Variants in SENP3 observed in about 807,000 individuals in gnomAD.
SENP3 encodes the protein SUMO specific peptidase 3.
In SENP3, 11 loss-of-function variants were observed where a neutral mutation model predicts 66.2. That is an observed-to-expected ratio of 0.17 (90% CI 0.10 to 0.28). SENP3 has a LOEUF of 0.28. Among genes scored for constraint, SENP3 ranks in the 10% least tolerant of loss-of-function variants. The probability of loss-of-function intolerance (pLI) is 1.00; values close to 1 mark genes in which losing one functional copy is unlikely to be tolerated. For missense variants in SENP3, 548 were observed against 743.7 expected (o/e 0.74, Z 3.06); for synonymous variants, 292 against 277.6 (o/e 1.05, Z -0.52).
At position 7,562,792 on chromosome 17, in the gene SENP3, T is replaced by C. The variant is rs1216419868; in HGVS notation, c.-11-274T>C. Reference sequence around the variant, plus strand: ...AAAGACGTAGAACCTGGCAGTGCTATTGGGTTTGGCCTGGTGATCTTAGAA... The same window carrying C: ...AAAGACGTAGAACCTGGCAGTGCTACTGGGTTTGGCCTGGTGATCTTAGAA... On this transcript the variant is annotated intron_variant, in intron 1 of 10. Transcript: ENST00000321337. The surrounding 1 kb of genome is among the most constrained non-coding windows in gnomAD (Gnocchi z 5.0). Among the ~76,000 whole-genome samples, 2 of 152,350 alleles carry C rather than the reference T, an allele frequency of 1.3e-5. No individual in the cohort carries two copies. The highest frequency in any genetic ancestry group is 1.9e-4 in the East Asian group (1 of 5,188).
chr17:7,566,793 G>T (rs533403167), intron 6 of SENP3, 134 bp from the exon 7 acceptor site: 1 of 686,098 alleles, frequency 1.5e-6, no homozygotes, highest in South Asian at 1.7e-5. Context: ...AACATAGTGA[G>T]ACCCTGTCTC....
rs764518172 is a variant in SENP3 at position 7,563,045 on chromosome 17, C to A, written c.-11-21C>A. On this transcript the variant is annotated intron_variant, in intron 1 of 10. Transcript: ENST00000321337. Reference sequence around the variant, plus strand: ...GTGGGGTGATGCTTAGATTTTGATACCCTGATCTTTTGTTTTTCAGGGTAC... The same window carrying A: ...GTGGGGTGATGCTTAGATTTTGATAACCTGATCTTTTGTTTTTCAGGGTAC... 37 of 1,446,112 alleles carry A rather than the reference C, an allele frequency of 2.6e-5. 1 individual carries two copies. The South Asian group carries it at 5.9e-4, about 23-fold the overall frequency. The allele number at this position is 1,446,112 out of a possible 1,614,324, so 89.6% of individuals were successfully genotyped here.
At position 7,563,788 on chromosome 17, in the gene SENP3, T is replaced by A; in HGVS notation, c.712T>A (p.Ser238Thr). 1.3e-6 allele frequency: 2 copies of A among 1,523,822 alleles called. No homozygotes were observed. The highest frequency in any genetic ancestry group is 1.8e-6 in the Non-Finnish European group (2 of 1,125,874). The allele number at this position is 1,523,822 out of a possible 1,614,324, so 94.4% of individuals were successfully genotyped here. A position where few individuals can be genotyped will look rare whatever the true frequency, so the allele number is the denominator to read the frequency against. Residue 238 changes from serine (S) to threonine (T), a missense_variant, in exon 2 of 11, where the codon TCG becomes ACG. Physicochemically the swap from Ser to Thr is moderately conservative, Grantham distance 58. Around this residue, in one of 6 missense-constraint regions of SENP3, gnomAD observed 215 missense variants for 230.7 expected, o/e 0.93. Coordinates refer to ENST00000321337, the MANE Select transcript of SENP3 (RefSeq NM_015670.6). The stretch of plus-strand genomic sequence containing the variant: ...TCCAAAGTCTCCTCTGGACCCTGAC[T>A]CGGGTAAGGTGGGAAAGGGGTGTGG... ...WTPKSPLDPD[S>T]GLLSCTLPNG...
intron 6 of SENP3, among the ~76,000 whole-genome samples, chr17:7,566,665 CAAAT>C (rs2071271531): frequency 1.5e-5 from 1 of 65,616 alleles, no homozygotes; most frequent in East Asian, 5.3e-4. Context: ...GGCCCTGCCT[CAAAT>C]AAAAAAAAAA....
At position 7,565,517 on chromosome 17, in the gene SENP3, C is replaced by T; in HGVS notation, c.1145C>T (p.Ala382Val). 1.2e-6 allele frequency: 2 copies of T among 1,613,862 alleles called. No homozygotes were observed. The highest frequency in any genetic ancestry group is 1.7e-6 in the Non-Finnish European group (2 of 1,179,854). ...GCCATGGTGAGGGGCTTCCGAGTGG[C>T]TTATAAGCGGCACGTGCTGACCATG... ...GNAMVRGFRV[A>V]YKRHVLTMDD... The change falls in exon 5 of 11, where the codon GCT becomes GTT. Residue 382 changes from alanine (A) to valine (V), a missense_variant. This residue lies in a region of SENP3 where 72 missense variants were observed against 137.9 expected (regional missense o/e 0.52). Coordinates refer to ENST00000321337, the MANE Select transcript of SENP3 (RefSeq NM_015670.6).
intron 6 of SENP3, among the ~76,000 whole-genome samples, chr17:7,566,383 C>T (rs528211649): frequency 1.9e-4 from 28 of 144,660 alleles, no homozygotes; most frequent in African/African-American, 6.2e-4. Context: ...CGGCTGGGTG[C>T]GGTGACTCAT....
rs1187865257 is a variant in SENP3, at chr17:7,565,774, A to G, written c.1263+10A>G. The stretch of plus-strand genomic sequence containing the variant: ...CACAGTCCCTGAAAAGGTAGGCCCA[A>G]CCAGATAGGTCAGTACCCAGAGGAA... On this transcript the variant is annotated intron_variant, in intron 6 of 10. Transcript: ENST00000321337. 4 of 1,613,544 alleles carry G rather than the reference A, an allele frequency of 2.5e-6. No homozygotes were observed. The highest frequency in any genetic ancestry group is 3.4e-6 in the Non-Finnish European group (4 of 1,179,596).
chr17:7,567,257 T>C (rs934369763), intron 7 of SENP3, among the ~76,000 whole-genome samples: 12 of 152,218 alleles, frequency 7.9e-5, no homozygotes, highest in African/African-American at 2.7e-4. Context: ...GGCTCACGCC[T>C]GTAATCCCCA....
Position 7,563,141 on chromosome 17 carries a change from C to T in SENP3, c.65C>T (p.Pro22Leu), listed in dbSNP as rs1394061302. The T allele has an allele frequency of 6.5e-7, 1 of 1,541,704 alleles. No individual in the cohort carries two copies. Among genetic ancestry groups the T allele is most frequent in the South Asian group, 1.3e-5 (1 of 79,058 alleles). The change falls in exon 2 of 11, where the codon CCA (proline) becomes CTA (leucine). Residue 22 changes from proline to leucine, a missense_variant. By Grantham distance (98) the Pro-to-Leu change is moderately conservative. This residue lies in a region of SENP3 where 164 missense variants were observed against 167.9 expected (regional missense o/e 0.98). Coordinates refer to ENST00000321337, the MANE Select transcript of SENP3 (RefSeq NM_015670.6). Reference protein sequence around the residue: ...GPEPPGPGIPPAYSSPRRERL... With the variant: ...GPEPPGPGIPLAYSSPRRERL... Reference sequence around the variant, plus strand: ...GAGCCTCCTGGACCCGGCATACCCCCAGCTTACTCAAGTCCCAGGCGGGAG... The same window carrying T: ...GAGCCTCCTGGACCCGGCATACCCCTAGCTTACTCAAGTCCCAGGCGGGAG...
At chr17:7,569,143 T>C (rs1373616630) in intron 7 of SENP3, among the ~76,000 whole-genome samples, 1 of 152,124 alleles carries the variant, frequency 6.6e-6, no homozygotes. Context: ...CCCAGCCCTT[T>C]GGGAGGCTGA....
chr17:7,567,239 G>A (rs2071275815), intron 7 of SENP3, among the ~76,000 whole-genome samples: 1 of 152,204 alleles, frequency 6.6e-6, no homozygotes, highest in Non-Finnish European at 1.5e-5. Flanking sequence ...CGTGAGGCTG[G>A]GCGCAGTGGC....
intron 7 of SENP3, among the ~76,000 whole-genome samples, chr17:7,567,866 T>C (rs1278236090): frequency 1.3e-5 from 2 of 152,150 alleles, no homozygotes; most frequent in African/African-American, 4.8e-5. Context: ...AGAAGTGCCT[T>C]CTGTTTTAAA....
Position 7,570,181 on chromosome 17 carries a change from C to T in SENP3, c.1342-175C>T, listed in dbSNP as rs1449421249. On this transcript the variant is annotated intron_variant, in intron 7 of 10. Coordinates refer to ENST00000321337, the MANE Select transcript of SENP3 (RefSeq NM_015670.6). This position sits in a 1 kb window ranked among gnomAD's most constrained non-coding sequence, Gnocchi z 5.4. ...TCTCCTCCATTGTCTGACCTTCCTCCCTTACCCCGAAGAACCGAAACATGC... is the reference window on the plus strand; with the variant it reads ...TCTCCTCCATTGTCTGACCTTCCTCTCTTACCCCGAAGAACCGAAACATGC... 1.3e-5 allele frequency among the ~76,000 whole-genome samples: 2 copies of T among 152,148 alleles called. No individual in the cohort carries two copies. The highest frequency in any genetic ancestry group is 2.1e-4 in the South Asian group (1 of 4,836).
chr17:7,562,008 G>C lies in SENP3; in HGVS notation c.-267G>C. 1 of 399,464 alleles carries C rather than the reference G, an allele frequency of 2.5e-6. No individual in the cohort carries two copies. The highest frequency in any genetic ancestry group is 4.4e-6 in the Non-Finnish European group (1 of 226,918). 24.7% of individuals were successfully genotyped at this position (399,464 alleles called of 1,614,324 possible). On this transcript the variant is annotated 5_prime_UTR_variant, in exon 1 of 11. Coordinates refer to ENST00000321337, the MANE Select transcript of SENP3 (RefSeq NM_015670.6). This position sits in a 1 kb window ranked among gnomAD's most constrained non-coding sequence, Gnocchi z 5.0. ...GGGGGGGAGGAGTGGCGGCGGCGGC[G>C]GTGGCGCTGGTGGCGGCGGTGGCGG...
At position 7,564,817 on chromosome 17, in the gene SENP3, C is replaced by T. The variant is rs763546172; in HGVS notation, c.908C>T (p.Ala303Val). ...GAGGCAGAGAGGCCTGGGGAGAAAGCCGGCCAGCACAGCCCCCTGCGAGAG... is the reference window on the plus strand; with the variant it reads ...GAGGCAGAGAGGCCTGGGGAGAAAGTCGGCCAGCACAGCCCCCTGCGAGAG... ...AEEAERPGEK[A>V]GQHSPLREEH... The change falls in exon 3 of 11, where the codon GCC becomes GTC. Residue 303 changes from alanine (A) to valine (V), a missense_variant. Around this residue, in one of 6 missense-constraint regions of SENP3, gnomAD observed 215 missense variants for 230.7 expected, o/e 0.93. Coordinates refer to ENST00000321337, the MANE Select transcript of SENP3 (RefSeq NM_015670.6). 3.1e-6 allele frequency: 5 copies of T among 1,613,280 alleles called. No individual in the cohort carries two copies. In the Admixed American group the frequency reaches 6.7e-5, roughly 22 times the overall value.
At chr17:7,565,104 T>TTTCAA in intron 4 of SENP3, 34 bp downstream of exon 4, 1 of 1,444,748 alleles carries the variant, frequency 6.9e-7, no homozygotes, top group Non-Finnish European at 9.7e-7. Context: ...AAAGAAGGGC[T>TTTCAA]GGGGCCTTGG....
chr17:7,569,968 A>G (rs564735937), intron 7 of SENP3, among the ~76,000 whole-genome samples: 1 of 152,328 alleles, frequency 6.6e-6, no homozygotes, highest in East Asian at 1.9e-4. Context: ...CTGACAGATA[A>G]GGAAACTGAG....
rs1296061733 is a variant in SENP3, at chr17:7,563,086, A to G, written c.10A>G (p.Thr4Ala). The G allele has an allele frequency of 6.7e-7, 1 of 1,500,078 alleles. No homozygotes were observed. Among genetic ancestry groups the G allele is most frequent in the South Asian group, 1.4e-5 (1 of 72,438 alleles). 92.9% of individuals were successfully genotyped at this position (1,500,078 alleles called of 1,614,324 possible). The change falls in exon 2 of 11, where the codon ACT (threonine) becomes GCT (alanine). Residue 4 changes from threonine (T) to alanine (A), a missense_variant. By Grantham distance (58) the Thr-to-Ala change is moderately conservative. Around this residue, in one of 6 missense-constraint regions of SENP3, gnomAD observed 164 missense variants for 167.9 expected, o/e 0.98. Coordinates refer to ENST00000321337, the MANE Select transcript of SENP3 (RefSeq NM_015670.6). MKE[T>A]IQGTGSWGPE... ...TTCAGGGTACTGGAAGATGAAAGAG[A>G]CTATACAAGGGACCGGGTCCTGGGG... is the stretch of plus-strand genomic sequence containing the variant.
At chr17:7,571,140 T>C (rs903325980) in intron 10 of SENP3, among the ~76,000 whole-genome samples, 1 of 152,210 alleles carries the variant, frequency 6.6e-6, no homozygotes, top group African/African-American at 2.4e-5. Context: ...CTTGGGCCTC[T>C]GGCCTTCATA....
Sources: gnomAD v4.1 joint callset for allele counts (sites outside exome capture counted in the v4.1 genomes callset) on GRCh38, gnomAD v4.1.1 for gene constraint, gnomAD v4.1.1 regional missense constraint, Gnocchi (gnomAD v3.1) non-coding constraint, MANE v1.5 for transcripts, NCBI Gene and HGNC (gene_info 2026-07-23, HGNC 2026-07-21) for gene names.